Variants in PIK3C2G observed in about 807,000 individuals in gnomAD.
PIK3C2G encodes phosphatidylinositol 3-kinase C2 domain-containing subunit gamma.
PIK3C2G carries 168 observed loss-of-function variants against 181.1 expected under a neutral mutation model. The observed-to-expected ratio is 0.93, with a 90% confidence interval of 0.82 to 1.05. PIK3C2G has a LOEUF of 1.05. Among genes scored for constraint, PIK3C2G ranks in the 50% least tolerant of loss-of-function variants. PIK3C2G has a pLI of 0.00. For missense variants in PIK3C2G, 1,869 were observed against 1,732.8 expected, an observed-to-expected ratio of 1.08 and a Z score of -1.40; for synonymous variants, 573 against 592.2, an observed-to-expected ratio of 0.97 and a Z score of 0.47.
chr12:18,660,901 G>A, the PIK3C2G span, among the ~76,000 whole-genome samples: 1 of 152,148 alleles, frequency 6.6e-6, no homozygotes, highest in African/African-American at 2.4e-5. Context: ...AGTAAAGGAA[G>A]ATGTAAAGAA....
intron 5 of PIK3C2G, among the ~76,000 whole-genome samples, chr12:18,306,775 C>A (rs1355425821): frequency 6.6e-6 from 1 of 151,866 alleles, no homozygotes; most frequent in Non-Finnish European, 1.5e-5. Flanking sequence ...GATTTTAAGT[C>A]CAGCTTAGTT....
At chr12:18,316,374 T>C (rs1461353671) in intron 6 of PIK3C2G, among the ~76,000 whole-genome samples, 3 of 152,224 alleles carry the variant, frequency 2.0e-5, no homozygotes, top group Non-Finnish European at 2.9e-5. Flanking sequence ...GTTGTTGTCA[T>C]GTCCAGGGAC....
chr12:18,386,090 CCCT>C (rs1004624437), intron 14 of PIK3C2G, among the ~76,000 whole-genome samples: 1 of 152,096 alleles, frequency 6.6e-6, no homozygotes, highest in Admixed American at 6.5e-5. Context: ...GAACCAAACC[CCCT>C]CCTCCTCTGG....
At chr12:18,617,191 T>C (rs1270101160) in intron 31 of PIK3C2G, among the ~76,000 whole-genome samples, 4 of 152,080 alleles carry the variant, frequency 2.6e-5, no homozygotes, top group African/African-American at 7.2e-5. Context: ...TCTCAGTTAT[T>C]TGTCCTTATA....
intron 11 of PIK3C2G, among the ~76,000 whole-genome samples, chr12:18,355,893 G>C (rs1940682793): frequency 6.6e-6 from 1 of 152,142 alleles, no homozygotes; most frequent in Admixed American, 6.5e-5. Context: ...CATTATAAAA[G>C]AAGAGCCAGG....
rs1592064848 is a variant in PIK3C2G at position 18,362,622 on chromosome 12, T to C, written c.1626-142T>C. The C allele has an allele frequency of 8.3e-6, 5 of 605,306 alleles. No individual in the cohort carries two copies. The East Asian group carries it at 1.6e-4, about 20-fold the overall frequency. 37.5% of individuals were successfully genotyped at this position (605,306 alleles called of 1,614,324 possible). On this transcript the variant is annotated intron_variant, in intron 11 of 32. Transcript: ENST00000538779. Reference sequence around the variant, plus strand: ...TTTTTGACATACTCAGCCTAAATTCTTAAAGCAATTTTTAAAGCATGCTTT... The same window carrying C: ...TTTTTGACATACTCAGCCTAAATTCCTAAAGCAATTTTTAAAGCATGCTTT...
chr12:18,513,603 T>A (rs1942348135), intron 24 of PIK3C2G, among the ~76,000 whole-genome samples: 1 of 151,838 alleles, frequency 6.6e-6, no homozygotes. Context: ...TCCCATTTTT[T>A]AATGATCCTT....
chr12:18,540,654 GA>G (rs1944104801), intron 25 of PIK3C2G, among the ~76,000 whole-genome samples: 1 of 151,790 alleles, frequency 6.6e-6, no homozygotes, highest in African/African-American at 2.4e-5. Context: ...ATCACTTGTT[GA>G]AAATTTCTGG....
rs183605547 is a variant in PIK3C2G at position 18,356,827 on chromosome 12, C to T, written c.1626-5937C>T. On this transcript the variant is annotated intron_variant, in intron 11 of 32. Transcript: ENST00000538779. Reference sequence around the variant, plus strand: ...GCTGCTTTTTCTCTTCTTTCTTTCTCTGCTGCCCATCTGTCATTGGAGCCT... The same window carrying T: ...GCTGCTTTTTCTCTTCTTTCTTTCTTTGCTGCCCATCTGTCATTGGAGCCT... Among the ~76,000 whole-genome samples, 50 of 144,880 alleles carry T rather than the reference C, an allele frequency of 3.5e-4. 1 individual carries two copies. In the East Asian group the frequency reaches 0.01, roughly 29 times the overall value.
intron 1 of PIK3C2G, among the ~76,000 whole-genome samples, chr12:18,248,461 T>C (rs572108065): frequency 8.5e-5 from 13 of 152,130 alleles, no homozygotes; most frequent in African/African-American, 2.9e-4. Flanking sequence ...TAGTCCCAGC[T>C]ACTCGGGAGG....
At chr12:18,643,726 G>A (rs1299463148) in intron 32 of PIK3C2G, among the ~76,000 whole-genome samples, 5 of 151,878 alleles carry the variant, frequency 3.3e-5, no homozygotes, top group Non-Finnish European at 7.4e-5. Context: ...CTTACTAGAT[G>A]TCTTTACCAA....
In PIK3C2G at chr12:18,563,432, C is replaced by T. The variant is rs935135637; in HGVS notation, c.3836C>T (p.Ser1279Leu). ...SNNETSLTEKSFEQFSKLHSQ... is the reference protein window; with the variant it reads ...SNNETSLTEKLFEQFSKLHSQ... Reference sequence around the variant, plus strand: ...AACGAAACAAGCCTGACAGAAAAATCATTTGAGCAGTTTTCAAAACTTCAC... The same window carrying T: ...AACGAAACAAGCCTGACAGAAAAATTATTTGAGCAGTTTTCAAAACTTCAC... The change falls in exon 28 of 33, where the codon TCA (serine) becomes TTA (leucine). Residue 1279 changes from serine to leucine, a missense_variant. Coordinates refer to ENST00000538779, the MANE Select transcript of PIK3C2G (RefSeq NM_001288772.2). 9.9e-6 allele frequency: 16 copies of T among 1,613,684 alleles called. No homozygotes were observed. The highest frequency in any genetic ancestry group is 1.4e-5 in the Non-Finnish European group (16 of 1,179,644).
At chr12:18,589,376 A>G (rs1353972143) in intron 29 of PIK3C2G, among the ~76,000 whole-genome samples, 20 of 152,062 alleles carry the variant, frequency 1.3e-4, no homozygotes, top group Non-Finnish European at 8.8e-5. Flanking sequence ...AGAAAGCAGA[A>G]AGCAATCCTT....
the PIK3C2G span, among the ~76,000 whole-genome samples, chr12:18,721,765 T>C: frequency 6.6e-6 from 1 of 151,392 alleles, no homozygotes; most frequent in Non-Finnish European, 1.5e-5. Context: ...CTTAGTGATA[T>C]AGTCGCTTAG....
the PIK3C2G span, among the ~76,000 whole-genome samples, chr12:18,669,527 C>A: frequency 6.6e-6 from 1 of 152,170 alleles, no homozygotes; most frequent in South Asian, 2.1e-4. Context: ...ATTTATTTCT[C>A]ACAGTTCTGG....
chr12:18,337,474 T>C (rs987407998), intron 8 of PIK3C2G, among the ~76,000 whole-genome samples: 1 of 152,082 alleles, frequency 6.6e-6, no homozygotes, highest in Non-Finnish European at 1.5e-5. Context: ...GAGTAATTTA[T>C]AAAGAAAAGA....
intron 18 of PIK3C2G, among the ~76,000 whole-genome samples, chr12:18,440,460 G>A (rs961752046): frequency 2.0e-5 from 3 of 152,122 alleles, no homozygotes; most frequent in African/African-American, 7.2e-5. Flanking sequence ...AAAAGTACAA[G>A]GGTCAGGTAG....
chr12:18,496,896 A>C (rs1941059063), intron 21 of PIK3C2G, among the ~76,000 whole-genome samples: 2 of 152,142 alleles, frequency 1.3e-5, no homozygotes, highest in Non-Finnish European at 2.9e-5. Flanking sequence ...ACTTTTCATG[A>C]AGGGGAAAAA....
chr12:18,707,170 A>C, the PIK3C2G span, among the ~76,000 whole-genome samples: 2 of 152,282 alleles, frequency 1.3e-5, no homozygotes, highest in South Asian at 4.1e-4. Context: ...ACTTAATTAC[A>C]TCTACAAAGA....
Sources: allele counts gnomAD v4.1 joint callset (sites outside exome capture counted in the v4.1 genomes callset), GRCh38; gene constraint gnomAD v4.1.1; transcripts MANE v1.5; gene names NCBI Gene and HGNC (gene_info 2026-07-23, HGNC 2026-07-21).